The following CEP85L variants were observed in gnomAD, a reference collection of about 807,000 sequenced individuals.
CEP85L encodes the protein centrosomal protein 85L.
A neutral mutation model predicts 100.3 loss-of-function variants in CEP85L; 60 were observed. The ratio of observed to expected loss-of-function variants is 0.60; its 90% CI spans 0.49 to 0.74. The LOEUF (loss-of-function observed/expected upper bound fraction) is 0.74. CEP85L is among the 30% of genes least tolerant of loss of function. The pLI is 0.00. For synonymous variants in CEP85L, 319 were observed against 322.7 expected (o/e 0.99, Z 0.12); for missense variants, 973 against 936.2 (o/e 1.04, Z -0.51).
chr6:118,518,836 T>G (rs1276216255), intron 4 of CEP85L, among the ~76,000 whole-genome samples: 1 of 152,260 alleles, frequency 6.6e-6, no homozygotes, highest in African/African-American at 2.4e-5. Context: ...GTGTCAATTT[T>G]AGATCTTTCC....
At chr6:118,481,103 T>C (rs73766512) in intron 8 of CEP85L, among the ~76,000 whole-genome samples, 1,998 of 152,090 alleles carry the variant, frequency 0.013, 62 homozygotes, top group African/African-American at 0.046. Flanking sequence ...ATCTGGAAGA[T>C]ACATGGCAAA....
intron 2 of CEP85L, among the ~76,000 whole-genome samples, chr6:118,568,228 A>G (rs569632159): frequency 1.3e-5 from 2 of 152,234 alleles, no homozygotes; most frequent in African/African-American, 2.4e-5. Context: ...CAGCAGCTAG[A>G]CAGCTTAGTG....
At chr6:118,574,822 G>C (rs1039334271) in intron 2 of CEP85L, among the ~76,000 whole-genome samples, 4 of 152,206 alleles carry the variant, frequency 2.6e-5, no homozygotes, top group Admixed American at 1.3e-4. Flanking sequence ...TGCGAAGCGA[G>C]TGTGGAGTCC....
At chr6:118,619,915 G>A (rs1361407265) in intron 2 of CEP85L, among the ~76,000 whole-genome samples, 1 of 152,148 alleles carries the variant, frequency 6.6e-6, no homozygotes, top group Non-Finnish European at 1.5e-5. Flanking sequence ...CCCCAGAGGA[G>A]AAGGAAAAAT....
chr6:118,491,538 G>A (rs780151615), intron 6 of CEP85L, 148 bp downstream of exon 6: 45 of 1,415,636 alleles, frequency 3.2e-5, no homozygotes, highest in Non-Finnish European at 3.8e-5. Context: ...GACAGCAGAG[G>A]GCTTCTCAAA....
At chr6:118,481,748 T>C in intron 8 of CEP85L, 31 bp downstream of exon 8, 2 of 1,307,060 alleles carry the variant, frequency 1.5e-6, no homozygotes, top group Non-Finnish European at 2.1e-6. Flanking sequence ...ACGAATAAAA[T>C]AATGTAGAAG....
chr6:118,550,282 T>C (rs1041165837), intron 3 of CEP85L, among the ~76,000 whole-genome samples: 55 of 151,576 alleles, frequency 3.6e-4, no homozygotes, highest in Non-Finnish European at 6.9e-4. Context: ...GATTAAGAAA[T>C]AATAAAATAT....
At chr6:118,627,186 A>C (rs1773852648) in intron 2 of CEP85L, among the ~76,000 whole-genome samples, 1 of 137,988 alleles carries the variant, frequency 7.2e-6, no homozygotes. Flanking sequence ...ACAACAGAGC[A>C]AGACTCCATC....
At chr6:118,593,361 T>A (rs538158606) in intron 2 of CEP85L, among the ~76,000 whole-genome samples, 13 of 137,992 alleles carry the variant, frequency 9.4e-5, no homozygotes, top group South Asian at 4.6e-4. Flanking sequence ...AAAAAGAATT[T>A]AAAAAAAAAA....
chr6:118,618,672 G>A (rs1023169047), intron 2 of CEP85L, among the ~76,000 whole-genome samples: 2 of 152,126 alleles, frequency 1.3e-5, no homozygotes, highest in African/African-American at 4.8e-5. Context: ...ACCTTAAGAT[G>A]GGGGCTTACT....
intron 3 of CEP85L, among the ~76,000 whole-genome samples, chr6:118,540,037 T>C (rs1777820044): frequency 6.6e-6 from 1 of 151,890 alleles, no homozygotes; most frequent in South Asian, 2.1e-4. Context: ...ACAAGTTGAT[T>C]GCTGATGCCG....
At position 118,651,338 on chromosome 6, in the gene CEP85L, G is replaced by T; in HGVS notation, c.-69C>A. Reference sequence around the variant, plus strand: ...ACGTCCGTCCTCCTGCTTCTTCGGCGGCGGAAACTTGCGCGGAGCGTGGGC... The same window carrying T: ...ACGTCCGTCCTCCTGCTTCTTCGGCTGCGGAAACTTGCGCGGAGCGTGGGC... On this transcript the variant is annotated 5_prime_UTR_variant, in exon 1 of 13. Coordinates refer to ENST00000368491, the MANE Select transcript of CEP85L (RefSeq NM_001042475.3). The T allele has an allele frequency of 7.2e-7, 1 of 1,387,466 alleles. No individual in the cohort carries two copies. The highest frequency in any genetic ancestry group is 9.3e-7 in the Non-Finnish European group (1 of 1,071,638). 85.9% of individuals were successfully genotyped at this position (1,387,466 alleles called of 1,614,324 possible).
chr6:118,678,549 C>G (rs1776550707), intron 1 of CEP85L, among the ~76,000 whole-genome samples: 1 of 152,214 alleles, frequency 6.6e-6, no homozygotes, highest in Non-Finnish European at 1.5e-5. Context: ...TTACTGAACT[C>G]TATTTTATTG....
At chr6:118,546,830 T>C (rs184368647) in intron 3 of CEP85L, among the ~76,000 whole-genome samples, 3 of 152,314 alleles carry the variant, frequency 2.0e-5, no homozygotes, top group African/African-American at 4.8e-5. Flanking sequence ...CTGAGAAAAG[T>C]ATCAAACATT....
intron 3 of CEP85L, among the ~76,000 whole-genome samples, chr6:118,555,425 C>CA (rs200889385): frequency 0.52 from 60,046 of 116,138 alleles, 15,504 homozygotes; most frequent in Middle Eastern, 0.58. Flanking sequence ...AAGACTGTCT[C>CA]AAAAAAAAAA....
At chr6:118,664,853 T>C (rs1328511053) in intron 1 of CEP85L, among the ~76,000 whole-genome samples, 1 of 152,184 alleles carries the variant, frequency 6.6e-6, no homozygotes, top group African/African-American at 2.4e-5. Context: ...GGAAAATGGA[T>C]TACAGGTAAA....
chr6:118,693,310 T>C (rs1037912875), intron 1 of CEP85L, among the ~76,000 whole-genome samples: 2 of 152,202 alleles, frequency 1.3e-5, no homozygotes, highest in African/African-American at 4.8e-5. Context: ...TTCTTAAAAA[T>C]TTCCATGCTT....
chr6:118,661,877 CGTT>C (rs1775985328), intron 1 of CEP85L, among the ~76,000 whole-genome samples: 1 of 152,162 alleles, frequency 6.6e-6, no homozygotes, highest in Admixed American at 6.5e-5. Context: ...AAACCAATGA[CGTT>C]GTATCACGAA....
intron 3 of CEP85L, among the ~76,000 whole-genome samples, chr6:118,525,179 T>G (rs1776894981): frequency 6.6e-6 from 1 of 152,212 alleles, no homozygotes; most frequent in Non-Finnish European, 1.5e-5. Context: ...ATCTACTAAG[T>G]AGATAATTTG....
Sources: gnomAD v4.1 joint callset for allele counts (sites outside exome capture counted in the v4.1 genomes callset) on GRCh38, gnomAD v4.1.1 for gene constraint, MANE v1.5 for transcripts, NCBI Gene and HGNC (gene_info 2026-07-23, HGNC 2026-07-21) for gene names.